Variants in CCDC191 observed in about 807,000 individuals in gnomAD.
CCDC191 encodes coiled-coil domain containing 191, also known as coiled-coil domain-containing protein 191.
A neutral mutation model predicts 114.0 loss-of-function variants in CCDC191; 99 were observed. That is an observed-to-expected ratio of 0.87 (90% CI 0.74 to 1.03). The LOEUF is 1.03. CCDC191 is among the 50% of genes least tolerant of loss of function. CCDC191 has a pLI of 0.00. For synonymous variants in CCDC191, 351 were observed against 376.0 expected, an observed-to-expected ratio of 0.93 and a Z score of 0.77; for missense variants, 973 against 1,087.0, an observed-to-expected ratio of 0.90 and a Z score of 1.47.
At chr3:114,025,269 A>C (rs1412642671) in intron 7 of CCDC191, among the ~76,000 whole-genome samples, 1 of 151,764 alleles carries the variant, frequency 6.6e-6, no homozygotes, top group Non-Finnish European at 1.5e-5. Flanking sequence ...CAAAAAAAAA[A>C]AAAACAAAAC....
Position 114,040,112 on chromosome 3 carries a change from G to C in CCDC191, c.415+2591C>G, listed in dbSNP as rs751521225. Among the ~76,000 whole-genome samples the C allele has an allele frequency of 4.6e-5, 7 of 151,672 alleles. No individual in the cohort carries two copies. The South Asian group carries it at 6.2e-4, about 13-fold the overall frequency. ...CTGCATATGTACTGTACCTTTTTTTGATTGGATATGTTTAGACACCCAAAT... is the reference window on the plus strand; with the variant it reads ...CTGCATATGTACTGTACCTTTTTTTCATTGGATATGTTTAGACACCCAAAT... On this transcript the variant is annotated intron_variant, in intron 4 of 16. Transcript: ENST00000295878.
rs940062819 is a variant in CCDC191 at position 113,975,243 on chromosome 3, T to A, written c.2606+2943A>T. On this transcript the variant is annotated intron_variant, in intron 16 of 16. Transcript: ENST00000295878. The stretch of plus-strand genomic sequence containing the variant: ...AAATTATCCGGAAGTGATACAGATA[T>A]GTAAGATTACAAGTTATGTTCTTAT... Among the ~76,000 whole-genome samples the A allele has an allele frequency of 2.0e-5, 3 of 152,222 alleles. No homozygotes were observed. The South Asian group carries it at 6.2e-4, about 31-fold the overall frequency.
At chr3:113,992,881 A>C (rs1208456813) in intron 13 of CCDC191, among the ~76,000 whole-genome samples, 1 of 152,206 alleles carries the variant, frequency 6.6e-6, no homozygotes, top group East Asian at 1.9e-4. Context: ...AACATACCTG[A>C]TGAACATAAA....
chr3:114,039,113 C>T lies in CCDC191; in HGVS notation c.416-2327G>A, dbSNP rs112600614. Among the ~76,000 whole-genome samples, 775 of 152,128 alleles carry T rather than the reference C, an allele frequency of 5.1e-3. 8 individuals carry two copies. The highest frequency in any genetic ancestry group is 0.017 in the African/African-American group (704 of 41,500). On this transcript the variant is annotated intron_variant, in intron 4 of 16. Coordinates refer to ENST00000295878, the MANE Select transcript of CCDC191 (RefSeq NM_020817.2). The stretch of plus-strand genomic sequence containing the variant: ...AAAGTGTAGCACATACAATTATATA[C>T]AATACATAATACTTGATAATGATAA...
At chr3:113,997,681 AAC>A (rs1163966104) in intron 13 of CCDC191, among the ~76,000 whole-genome samples, 3 of 152,206 alleles carry the variant, frequency 2.0e-5, no homozygotes, top group Non-Finnish European at 4.4e-5. Context: ...CAAAATAAAT[AAC>A]ACAGTATTTT....
In CCDC191 at chr3:114,002,461, TTTC is replaced by T. The variant is rs766242380; in HGVS notation, c.2053_2055del (p.Glu685del). 2.9e-5 allele frequency: 46 copies of T among 1,607,158 alleles called. No homozygotes were observed. Among genetic ancestry groups the T allele is most frequent in the South Asian group, 1.3e-4 (12 of 89,560 alleles). ...TTGCATTTTGAATCTATTACCAATTTTTCTTCTTCTTGTTTTTTCTTCTTCTCT... is the reference window on the plus strand; with the variant it reads ...TTGCATTTTGAATCTATTACCAATTTTTCTTCTTGTTTTTTCTTCTTCTCT... On this transcript the variant is annotated inframe_deletion, in exon 12 of 17. Coordinates refer to ENST00000295878, the MANE Select transcript of CCDC191 (RefSeq NM_020817.2).
Position 114,005,579 on chromosome 3 carries a change from G to A in CCDC191, c.1797C>T (p.Val599=), listed in dbSNP as rs1253205604. ...AQWAAEHALA[V]TEAQSHLLSK... ...ACAGCAGGTGGCTCTGTGCTTCTGT[G>A]ACTGCTAAGGCATGCTCTGCTGCCC... The change falls in exon 10 of 17, where the codon GTC becomes GTT. Residue 599 remains valine (V), a synonymous_variant. Transcript: ENST00000295878. 5 of 1,614,108 alleles carry A rather than the reference G, an allele frequency of 3.1e-6. No homozygotes were observed. The highest frequency in any genetic ancestry group is 4.5e-5 in the East Asian group (2 of 44,876).
At chr3:114,008,700 A>G (rs947488537) in intron 9 of CCDC191, among the ~76,000 whole-genome samples, 9 of 152,182 alleles carry the variant, frequency 5.9e-5, no homozygotes, top group African/African-American at 2.2e-4. Flanking sequence ...TAATAATAAA[A>G]GCATCAATAG....
chr3:114,050,454 C>A (rs949764991), intron 2 of CCDC191, among the ~76,000 whole-genome samples: 2 of 152,108 alleles, frequency 1.3e-5, no homozygotes, highest in Non-Finnish European at 2.9e-5. Context: ...TATATAAATG[C>A]CAAAATAATT....
rs370787784 is a variant in CCDC191, at chr3:113,978,949, C to T, written c.2369G>A (p.Arg790His). 180 of 1,613,998 alleles carry T rather than the reference C, an allele frequency of 1.1e-4. 2 individuals are homozygous for T. In the East Asian group the frequency reaches 1.2e-3, roughly 11 times the overall value. ...CTTTCTAGCCAGACTTTCCTGACTA[C>T]GCTGGAACCACGTCAGCATGTATTT... ...QRKYMLTWFQ[R>H]SQESLARKMA... The change falls in exon 15 of 17, where the codon CGT becomes CAT. Residue 790 changes from arginine to histidine, a missense_variant. By Grantham distance (29) the Arg-to-His change is conservative. Coordinates refer to ENST00000295878, the MANE Select transcript of CCDC191 (RefSeq NM_020817.2).
chr3:114,007,832 A>G (rs2075997656), intron 9 of CCDC191, among the ~76,000 whole-genome samples: 1 of 151,974 alleles, frequency 6.6e-6, no homozygotes, highest in African/African-American at 2.4e-5. Flanking sequence ...GCATCTAACT[A>G]AAGATTTTAT....
rs146501380 is a variant in CCDC191 at position 114,009,225 on chromosome 3, T to C, written c.1413+1547A>G. 3.5e-3 allele frequency among the ~76,000 whole-genome samples: 538 copies of C among 152,258 alleles called. 12 individuals are homozygous for C. Among genetic ancestry groups the C allele is most frequent in the Non-Finnish European group, 9.0e-4 (61 of 67,990 alleles). On this transcript the variant is annotated intron_variant, in intron 9 of 16. Coordinates refer to ENST00000295878, the MANE Select transcript of CCDC191 (RefSeq NM_020817.2). ...GCAGACTTCATAGACATTGTATACT[T>C]AGGCCACACTAAATTTATTAGAATT...
intron 2 of CCDC191, among the ~76,000 whole-genome samples, chr3:114,050,147 C>G (rs976753188): frequency 6.6e-6 from 1 of 152,214 alleles, no homozygotes; most frequent in African/African-American, 2.4e-5. Context: ...TGTAAAGGAA[C>G]TATCTCAGTT....
chr3:113,999,844 C>CTATTTAAGTTATTTAAG (rs1161350841), intron 13 of CCDC191, among the ~76,000 whole-genome samples: 1 of 152,010 alleles, frequency 6.6e-6, no homozygotes. Flanking sequence ...ATCATTTATG[C>CTATTTAAGTTATTTAAG]TATTTAAGTT....
In CCDC191 at chr3:113,981,759, T is replaced by C. The variant is rs1361630759; in HGVS notation, c.2164-966A>G. 2.6e-5 allele frequency among the ~76,000 whole-genome samples: 4 copies of C among 152,198 alleles called. 1 individual carries two copies. Among genetic ancestry groups the C allele is most frequent in the Non-Finnish European group, 5.9e-5 (4 of 68,036 alleles). Reference sequence around the variant, plus strand: ...AGAGAGCAATGGAACATTTCTAATATGGAAGGAAGAATTGCTCTAATTTTC... The same window carrying C: ...AGAGAGCAATGGAACATTTCTAATACGGAAGGAAGAATTGCTCTAATTTTC... On this transcript the variant is annotated intron_variant, in intron 13 of 16. Coordinates refer to ENST00000295878, the MANE Select transcript of CCDC191 (RefSeq NM_020817.2).
intron 11 of CCDC191, 82 bp from the exon 12 acceptor site, chr3:114,002,620 T>C: frequency 7.7e-7 from 1 of 1,297,238 alleles, no homozygotes; most frequent in South Asian, 1.4e-5. Flanking sequence ...CTCCATTTCA[T>C]AGTAAAATTT....
chr3:113,976,236 G>T (rs1323793239), intron 16 of CCDC191, among the ~76,000 whole-genome samples: 1 of 151,932 alleles, frequency 6.6e-6, no homozygotes, highest in East Asian at 1.9e-4. Flanking sequence ...TCCAGCCTGG[G>T]TGACAGAGTA....
intron 3 of CCDC191, among the ~76,000 whole-genome samples, chr3:114,046,084 T>C (rs1326104580): frequency 6.6e-6 from 1 of 152,206 alleles, no homozygotes; most frequent in African/African-American, 2.4e-5. Context: ...TCTACCACAG[T>C]GGCCTCCCTT....
At position 114,036,890 on chromosome 3, in the gene CCDC191, C is replaced by G. The variant is rs956717711; in HGVS notation, c.416-104G>C. ...ATCCTAGTACAATAAAAATACAAAG[C>G]TGCGAGTGTTCAATAAATAGTAACT... is the stretch of plus-strand genomic sequence containing the variant. On this transcript the variant is annotated intron_variant, in intron 4 of 16. Coordinates refer to ENST00000295878, the MANE Select transcript of CCDC191 (RefSeq NM_020817.2). 20 of 711,080 alleles carry G rather than the reference C, an allele frequency of 2.8e-5. No individual in the cohort carries two copies. In the Admixed American group the frequency reaches 7.7e-4, roughly 27 times the overall value. 44.0% of individuals were successfully genotyped at this position (711,080 alleles called of 1,614,324 possible).
Sources: allele counts gnomAD v4.1 joint callset (sites outside exome capture counted in the v4.1 genomes callset), GRCh38; gene constraint gnomAD v4.1.1; transcripts MANE v1.5; gene names NCBI Gene and HGNC (gene_info 2026-07-23, HGNC 2026-07-21).